Variants in RASGEF1A observed in about 807,000 individuals in gnomAD.
RASGEF1A encodes the protein ras-GEF domain-containing family member 1A.
In RASGEF1A, 18 loss-of-function variants were observed where a neutral mutation model predicts 56.4. The observed-to-expected ratio is 0.32, with a 90% CI of 0.22 to 0.47. The LOEUF (loss-of-function observed/expected upper bound fraction) is 0.47, where lower values mean the gene tolerates loss of function less well. Ranked by LOEUF, RASGEF1A falls within the 20% of genes least tolerant of loss-of-function variation. The pLI is 1.00. For missense variants in RASGEF1A, 422 were observed against 627.1 expected (o/e 0.67, Z 3.49); for synonymous variants, 245 against 242.6 (o/e 1.01, Z -0.09).
At chr10:43,264,920 GT>G (rs1836597371) in intron 1 of RASGEF1A, among the ~76,000 whole-genome samples, 1 of 152,074 alleles carries the variant, frequency 6.6e-6, no homozygotes, top group Admixed American at 6.5e-5. Flanking sequence ...GAAACCCACG[GT>G]TCTATTGCCA....
intron 1 of RASGEF1A, chr10:43,229,841 G>C: frequency 2.4e-6 from 2 of 824,322 alleles, no homozygotes; most frequent in Middle Eastern, 4.1e-4. Flanking sequence ...GGGTCCGGGC[G>C]GGGCAGAGGG....
intron 5 of RASGEF1A, 99 bp from the exon 6 acceptor site, chr10:43,200,355 G>A: frequency 9.5e-7 from 1 of 1,050,164 alleles, no homozygotes; most frequent in Admixed American, 2.0e-5. Flanking sequence ...GCTGCCCAGG[G>A]CACAGGACCT....
intron 1 of RASGEF1A, among the ~76,000 whole-genome samples, chr10:43,229,441 G>A (rs1473734592): frequency 2.0e-5 from 3 of 152,216 alleles, no homozygotes; most frequent in East Asian, 3.9e-4. Context: ...GGCAGGGCAG[G>A]AGCAGAGGCA....
chr10:43,223,722 A>G (rs1452653932), intron 1 of RASGEF1A, among the ~76,000 whole-genome samples: 5 of 152,198 alleles, frequency 3.3e-5, no homozygotes, highest in Admixed American at 2.0e-4. Flanking sequence ...ATTCTAATCA[A>G]CAAAAGGAAA....
intron 1 of RASGEF1A, among the ~76,000 whole-genome samples, chr10:43,234,422 G>A (rs1403036224): frequency 1.3e-5 from 2 of 152,140 alleles, no homozygotes; most frequent in East Asian, 1.9e-4. Context: ...ACAGGGTCAA[G>A]CAATGGCAAG....
In RASGEF1A at chr10:43,206,190, G is replaced by GGCAGCCT. The variant is rs768851757; in HGVS notation, c.-6-75_-6-69dup. 899 of 1,348,286 alleles carry GGCAGCCT rather than the reference G, an allele frequency of 6.7e-4. 2 individuals are homozygous for GGCAGCCT. The highest frequency in any genetic ancestry group is 8.4e-4 in the Non-Finnish European group (822 of 973,560). 83.5% of individuals were successfully genotyped at this position (1,348,286 alleles called of 1,614,324 possible). ...CACAGCTCCACAGACCCTCCTCCCA[G>GGCAGCCT]GCAGCCTGCAGCGTGCATGCATGTG... On this transcript the variant is annotated intron_variant, in intron 1 of 12. Transcript: ENST00000395810.
At chr10:43,229,703 A>G in intron 1 of RASGEF1A, 1 of 1,427,712 alleles carries the variant, frequency 7.0e-7, no homozygotes. Context: ...GCGTCCAGCG[A>G]GCGGCGGCTC....
intron 1 of RASGEF1A, among the ~76,000 whole-genome samples, chr10:43,212,120 G>A (rs531101693): frequency 7.1e-4 from 108 of 152,304 alleles, no homozygotes; most frequent in African/African-American, 2.4e-3. Flanking sequence ...GTTGGGGCTG[G>A]GGCAGGTTAA....
At position 43,196,459 on chromosome 10, in the gene RASGEF1A, T is replaced by C. The variant is rs1320311672; in HGVS notation, c.1421+17A>G. On this transcript the variant is annotated intron_variant, in intron 12 of 12. Transcript: ENST00000395810. The surrounding 1 kb of genome is among the most constrained non-coding windows in gnomAD (Gnocchi z 4.6). ...CCCTCTTCCTTACAGACTCCCATGT[T>C]CCTGACGCCCTCCTACCTGAGGGTC... The C allele has an allele frequency of 6.2e-7, 1 of 1,612,914 alleles. No individual in the cohort carries two copies. Among genetic ancestry groups the C allele is most frequent in the African/African-American group, 1.3e-5 (1 of 74,982 alleles).
chr10:43,240,177 C>T (rs139728270), intron 1 of RASGEF1A, among the ~76,000 whole-genome samples: 19 of 152,330 alleles, frequency 1.2e-4, no homozygotes, highest in Non-Finnish European at 2.2e-4. Flanking sequence ...TTAGCGAAGA[C>T]TGAGAACTTT....
intron 2 of RASGEF1A, among the ~76,000 whole-genome samples, chr10:43,205,262 G>A (rs767620171): frequency 3.3e-5 from 5 of 152,202 alleles, no homozygotes; most frequent in Non-Finnish European, 7.4e-5. Flanking sequence ...GAGCTGGCAG[G>A]CCCAGTGCCA....
intron 1 of RASGEF1A, among the ~76,000 whole-genome samples, chr10:43,242,715 T>G (rs1840516591): frequency 6.6e-6 from 1 of 152,164 alleles, no homozygotes; most frequent in Non-Finnish European, 1.5e-5. Flanking sequence ...GTATTTTTGG[T>G]GCAGACAGGG....
At chr10:43,214,718 T>C (rs542601271) in intron 1 of RASGEF1A, among the ~76,000 whole-genome samples, 1 of 152,368 alleles carries the variant, frequency 6.6e-6, no homozygotes, top group Admixed American at 6.5e-5. Flanking sequence ...GGACCCCTTC[T>C]GGATCCTGGA....
chr10:43,203,667 G>T, intron 2 of RASGEF1A: 1 of 1,206,642 alleles, frequency 8.3e-7, no homozygotes, highest in Non-Finnish European at 1.1e-6. Context: ...CCTCCTAGCA[G>T]TCTTCCTCCG....
chr10:43,221,496 G>C (rs887998425), intron 1 of RASGEF1A, among the ~76,000 whole-genome samples: 1 of 152,196 alleles, frequency 6.6e-6, no homozygotes, highest in Non-Finnish European at 1.5e-5. Context: ...GAAACTGGTG[G>C]AGCTGGGATT....
chr10:43,258,342 G>A (rs1242487293), intron 1 of RASGEF1A, among the ~76,000 whole-genome samples: 2 of 152,188 alleles, frequency 1.3e-5, no homozygotes, highest in African/African-American at 4.8e-5. Flanking sequence ...GAGGTGAGGG[G>A]GCTGTGGAAG....
At chr10:43,253,376 C>G (rs887627025) in intron 1 of RASGEF1A, among the ~76,000 whole-genome samples, 1 of 152,226 alleles carries the variant, frequency 6.6e-6, no homozygotes, top group Non-Finnish European at 1.5e-5. Context: ...CAAATATGCC[C>G]ACAGCCTGAT....
chr10:43,239,040 T>C (rs138631471), intron 1 of RASGEF1A, among the ~76,000 whole-genome samples: 88 of 152,320 alleles, frequency 5.8e-4, no homozygotes, highest in African/African-American at 1.9e-3. Context: ...TGATGCCCTG[T>C]AGTTTCTTTA....
At chr10:43,233,905 G>A (rs1278007420) in intron 1 of RASGEF1A, among the ~76,000 whole-genome samples, 1 of 152,196 alleles carries the variant, frequency 6.6e-6, no homozygotes, top group Non-Finnish European at 1.5e-5. Flanking sequence ...TGTGGCATGT[G>A]TCACTCAATG....
Sources: allele counts gnomAD v4.1 joint callset (sites outside exome capture counted in the v4.1 genomes callset), GRCh38; gene constraint gnomAD v4.1.1; non-coding constraint Gnocchi (gnomAD v3.1); transcripts MANE v1.5; gene names NCBI Gene and HGNC (gene_info 2026-07-23, HGNC 2026-07-21).